The following CEP128 variants were observed in gnomAD, a reference collection of about 807,000 sequenced individuals.
CEP128 encodes centrosomal protein 128.
A neutral mutation model predicts 156.7 loss-of-function variants in CEP128; 132 were observed. That is an observed-to-expected ratio of 0.84 (90% CI 0.73 to 0.97). The LOEUF (loss-of-function observed/expected upper bound fraction) is 0.97, where lower values mean the gene tolerates loss of function less well. Among genes scored for constraint, CEP128 ranks in the 50% least tolerant of loss-of-function variants. The pLI is 0.00. For synonymous variants in CEP128, 469 were observed against 448.9 expected (o/e 1.04, Z -0.57); for missense variants, 1,252 against 1,281.9 (o/e 0.98, Z 0.36).
intron 8 of CEP128, among the ~76,000 whole-genome samples, chr14:80,889,809 T>C (rs1158926529): frequency 1.3e-5 from 2 of 151,948 alleles, no homozygotes; most frequent in Non-Finnish European, 2.9e-5. Flanking sequence ...TTCTGCACAG[T>C]AAAAGAAGTT....
chr14:80,908,376 T>A (rs1884014088), intron 4 of CEP128, among the ~76,000 whole-genome samples: 1 of 152,180 alleles, frequency 6.6e-6, no homozygotes, highest in Non-Finnish European at 1.5e-5. Flanking sequence ...ATTTTTTCAA[T>A]CTTTCATTCT....
chr14:80,621,425 A>G (rs1893475472), intron 19 of CEP128, among the ~76,000 whole-genome samples: 1 of 152,220 alleles, frequency 6.6e-6, no homozygotes, highest in South Asian at 2.1e-4. Flanking sequence ...GACAAAAGCT[A>G]TATATAACAA....
intron 13 of CEP128, among the ~76,000 whole-genome samples, chr14:80,807,624 T>C (rs1884254722): frequency 1.3e-5 from 2 of 152,152 alleles, no homozygotes; most frequent in South Asian, 4.1e-4. Context: ...CACCACAAAC[T>C]GCTGCAATCT....
intron 19 of CEP128, among the ~76,000 whole-genome samples, chr14:80,740,359 G>C (rs895880867): frequency 6.6e-5 from 10 of 151,512 alleles, no homozygotes; most frequent in Non-Finnish European, 1.5e-4. Context: ...ATTCATTAAG[G>C]CAAGAAATAA....
chr14:80,796,311 T>G (rs1214466462), intron 13 of CEP128, among the ~76,000 whole-genome samples: 1 of 152,122 alleles, frequency 6.6e-6, no homozygotes, highest in Non-Finnish European at 1.5e-5. Flanking sequence ...AACACAAAAA[T>G]TAGCTGGGTA....
chr14:80,635,653 G>C (rs867283100), intron 19 of CEP128, among the ~76,000 whole-genome samples: 1 of 152,126 alleles, frequency 6.6e-6, no homozygotes, highest in East Asian at 1.9e-4. Context: ...TTATGTGTCA[G>C]GTATTGTCTT....
rs71103882 is a variant in CEP128 at position 80,801,910 on chromosome 14, C to CAAAAAAAAAAAAAAAAAAA, written c.1210-8819_1210-8801dup. Among the ~76,000 whole-genome samples, 4 of 43,386 alleles carry CAAAAAAAAAAAAAAAAAAA rather than the reference C, an allele frequency of 9.2e-5. 2 individuals are homozygous for CAAAAAAAAAAAAAAAAAAA. Among genetic ancestry groups the CAAAAAAAAAAAAAAAAAAA allele is most frequent in the African/African-American group, 2.3e-4 (2 of 8,786 alleles). 28.5% of individuals were successfully genotyped at this position (43,386 alleles called of 152,430 possible). On this transcript the variant is annotated intron_variant, in intron 13 of 24. Transcript: ENST00000555265. ...GTGACAGTGTGAGACTCTGTCTCCCCAAAAAAAAAAAAAAAAAAAAAAAAA... is the reference window on the plus strand; with the variant it reads ...GTGACAGTGTGAGACTCTGTCTCCCCAAAAAAAAAAAAAAAAAAAAAAAAAAAAAAAAAAAAAAAAAAAA...
chr14:80,868,071 T>C (rs921719080), intron 8 of CEP128, among the ~76,000 whole-genome samples: 1 of 151,108 alleles, frequency 6.6e-6, no homozygotes, highest in Non-Finnish European at 1.5e-5. Context: ...TGGCAGGGGG[T>C]GGGGGGAGAC....
chr14:80,647,037 GTATATATATATATA>G (rs60895994), intron 19 of CEP128, among the ~76,000 whole-genome samples: 1,280 of 69,490 alleles, frequency 0.018, 68 homozygotes, highest in African/African-American at 0.059. Context: ...ATGTGTGCAT[GTATATATATATATA>G]TATATATATA....
intron 21 of CEP128, 35 bp downstream of exon 21, chr14:80,559,244 T>G: frequency 6.3e-7 from 1 of 1,586,120 alleles, no homozygotes; most frequent in Non-Finnish European, 8.6e-7. Context: ...CAGCAGTAAT[T>G]CTGATAAAAG....
chr14:80,526,795 G>C, intron 23 of CEP128, 74 bp downstream of exon 23: 2 of 749,938 alleles, frequency 2.7e-6, no homozygotes, highest in Non-Finnish European at 4.6e-6. Context: ...AAACACTGCA[G>C]AGGCTGCTTA....
intron 17 of CEP128, among the ~76,000 whole-genome samples, chr14:80,758,809 C>T (rs1465741697): frequency 6.6e-6 from 1 of 152,170 alleles, no homozygotes; most frequent in Non-Finnish European, 1.5e-5. Context: ...ATAATAGCAC[C>T]TTCTATATCT....
chr14:80,568,772 T>C (rs1326871550), intron 20 of CEP128, among the ~76,000 whole-genome samples: 1 of 152,124 alleles, frequency 6.6e-6, no homozygotes, highest in Non-Finnish European at 1.5e-5. Context: ...CTGATTATCA[T>C]TGGTACACTC....
At chr14:80,537,045 C>A (rs1040267517) in intron 21 of CEP128, among the ~76,000 whole-genome samples, 23 of 152,272 alleles carry the variant, frequency 1.5e-4, no homozygotes, top group Admixed American at 3.3e-4. Context: ...TCATATAACA[C>A]TATTGTAGTC....
downstream of CEP128, among the ~76,000 whole-genome samples, chr14:80,489,395 A>G (rs1260374552): frequency 6.6e-6 from 1 of 152,104 alleles, no homozygotes; most frequent in Non-Finnish European, 1.5e-5. Flanking sequence ...TAACTGGCAC[A>G]CACCCTTCTG....
At chr14:80,627,191 A>G (rs1893763988) in intron 19 of CEP128, among the ~76,000 whole-genome samples, 3 of 152,246 alleles carry the variant, frequency 2.0e-5, no homozygotes, top group African/African-American at 7.2e-5. Flanking sequence ...ATATTAGAAC[A>G]TAATAGCTTA....
intron 19 of CEP128, among the ~76,000 whole-genome samples, chr14:80,689,862 T>C (rs1354362071): frequency 6.6e-6 from 1 of 152,098 alleles, no homozygotes; most frequent in African/African-American, 2.4e-5. Context: ...ATACAGTTAA[T>C]AGATTATCGA....
chr14:80,903,585 T>C (rs924019289), intron 6 of CEP128, among the ~76,000 whole-genome samples: 1 of 151,562 alleles, frequency 6.6e-6, no homozygotes, highest in Non-Finnish European at 1.5e-5. Flanking sequence ...GGGAGAAATA[T>C]CTGCAAACCA....
downstream of CEP128, among the ~76,000 whole-genome samples, chr14:80,493,860 G>A (rs373211854): frequency 6.0e-4 from 92 of 152,362 alleles, no homozygotes; most frequent in African/African-American, 2.1e-3. Context: ...AGGGCCAGAT[G>A]AGGTTAGAAC....
Sources: allele counts gnomAD v4.1 joint callset (sites outside exome capture counted in the v4.1 genomes callset), GRCh38; gene constraint gnomAD v4.1.1; transcripts MANE v1.5; gene names NCBI Gene and HGNC (gene_info 2026-07-23, HGNC 2026-07-21).